SNTB1: variants seen among roughly 807,000 people sequenced by gnomAD.
SNTB1 encodes the protein beta-1-syntrophin.
In SNTB1, 36 loss-of-function variants were observed where a neutral mutation model predicts 48.9. That is an observed-to-expected ratio of 0.74 (90% CI 0.56 to 0.97). The LOEUF (loss-of-function observed/expected upper bound fraction) is 0.97, where lower values mean the gene tolerates loss of function less well. Ranked by LOEUF, SNTB1 falls within the 50% of genes least tolerant of loss-of-function variation. SNTB1 has a pLI of 0.00. For synonymous variants in SNTB1, 299 were observed against 294.6 expected, an observed-to-expected ratio of 1.01 and a Z score of -0.15; for missense variants, 786 against 703.4, an observed-to-expected ratio of 1.12 and a Z score of -1.33.
At chr8:120,543,370 G>A (rs950324653) in intron 5 of SNTB1, among the ~76,000 whole-genome samples, 2 of 152,152 alleles carry the variant, frequency 1.3e-5, no homozygotes, top group Non-Finnish European at 2.9e-5. Flanking sequence ...GGGGCTTGGA[G>A]GCATAAGAGC....
At chr8:120,660,288 A>G (rs1817569335) in intron 2 of SNTB1, among the ~76,000 whole-genome samples, 1 of 152,142 alleles carries the variant, frequency 6.6e-6, no homozygotes, top group African/African-American at 2.4e-5. Flanking sequence ...TTGAAAATCT[A>G]CTGTTTAGTG....
intron 3 of SNTB1, among the ~76,000 whole-genome samples, chr8:120,614,619 A>G (rs997292448): frequency 6.6e-6 from 1 of 152,172 alleles, no homozygotes; most frequent in African/African-American, 2.4e-5. Flanking sequence ...GGAGGTCTTA[A>G]ATCTACTGTT....
At chr8:120,682,384 C>T (rs562209308) in intron 2 of SNTB1, among the ~76,000 whole-genome samples, 88 of 140,470 alleles carry the variant, frequency 6.3e-4, no homozygotes, top group Non-Finnish European at 1.0e-3. Context: ...ATGAGTGCCA[C>T]CAGGCAGTAC....
chr8:120,542,089 C>T lies in SNTB1; in HGVS notation c.1334-89G>A, dbSNP rs542264435. On this transcript the variant is annotated intron_variant, in intron 5 of 6. Coordinates refer to ENST00000517992, the MANE Select transcript of SNTB1 (RefSeq NM_021021.4). ...ATCACTCACTTCTTGCCTCCTCAGT[C>T]CCAGCGATCAGCTACGAATTTCTTG... 9.0e-6 allele frequency: 8 copies of T among 889,686 alleles called. No individual in the cohort carries two copies. In the Admixed American group the frequency reaches 1.5e-4, roughly 17 times the overall value. 55.1% of individuals were successfully genotyped at this position (889,686 alleles called of 1,614,324 possible).
chr8:120,777,484 C>T (rs970317421), intron 1 of SNTB1, among the ~76,000 whole-genome samples: 1 of 152,166 alleles, frequency 6.6e-6, no homozygotes, highest in South Asian at 2.1e-4. Flanking sequence ...CATCTCAAAA[C>T]GATAGGCCCC....
At chr8:120,612,673 C>A (rs189380100) in intron 3 of SNTB1, among the ~76,000 whole-genome samples, 1 of 152,164 alleles carries the variant, frequency 6.6e-6, no homozygotes, top group Non-Finnish European at 1.5e-5. Context: ...CCTGCCTCAG[C>A]CTCCCTAGTA....
intron 1 of SNTB1, among the ~76,000 whole-genome samples, chr8:120,754,477 C>G (rs993468222): frequency 2.6e-5 from 4 of 151,958 alleles, no homozygotes; most frequent in African/African-American, 7.3e-5. Context: ...GAGTGAGACC[C>G]TGTATCAAAA....
At chr8:120,706,821 G>T (rs922457241) in intron 1 of SNTB1, among the ~76,000 whole-genome samples, 1 of 152,122 alleles carries the variant, frequency 6.6e-6, no homozygotes, top group Non-Finnish European at 1.5e-5. Context: ...CAAACTTGGG[G>T]CTCAGTAAAT....
chr8:120,602,472 C>T (rs556758856), intron 3 of SNTB1, among the ~76,000 whole-genome samples: 4 of 152,168 alleles, frequency 2.6e-5, no homozygotes, highest in Admixed American at 1.3e-4. Context: ...CTGAAAAGAC[C>T]GAGGTTCCCC....
intron 3 of SNTB1, among the ~76,000 whole-genome samples, chr8:120,582,575 A>G (rs1411916994): frequency 1.3e-5 from 2 of 152,204 alleles, no homozygotes; most frequent in Non-Finnish European, 2.9e-5. Context: ...CAAATTATGA[A>G]TATCAGAAAT....
chr8:120,656,554 A>T (rs1215209680), intron 2 of SNTB1, among the ~76,000 whole-genome samples: 1 of 152,238 alleles, frequency 6.6e-6, no homozygotes, highest in Non-Finnish European at 1.5e-5. Flanking sequence ...CAGCTGATTT[A>T]AAAAAATAAT....
At chr8:120,631,826 TAA>T (rs1816985922) in intron 3 of SNTB1, among the ~76,000 whole-genome samples, 1 of 152,180 alleles carries the variant, frequency 6.6e-6, no homozygotes, top group Admixed American at 6.5e-5. Flanking sequence ...AGACAGAGGC[TAA>T]GTCTTTATTA....
intron 3 of SNTB1, among the ~76,000 whole-genome samples, chr8:120,608,047 T>A (rs1352699039): frequency 1.3e-5 from 2 of 152,182 alleles, no homozygotes; most frequent in Non-Finnish European, 2.9e-5. Context: ...AACCGCAAGC[T>A]TGGTAATTAT....
chr8:120,698,693 G>A (rs1398774442), intron 1 of SNTB1, among the ~76,000 whole-genome samples: 1 of 152,132 alleles, frequency 6.6e-6, no homozygotes, highest in Non-Finnish European at 1.5e-5. Context: ...ATCAATTGTA[G>A]ACATAATTGT....
intron 1 of SNTB1, among the ~76,000 whole-genome samples, chr8:120,796,728 C>T (rs913149007): frequency 6.6e-6 from 1 of 151,982 alleles, no homozygotes; most frequent in African/African-American, 2.4e-5. Context: ...ATCCACTTTC[C>T]GCCCTGGCTC....
Position 120,693,772 on chromosome 8 carries a change from G to GGA in SNTB1, c.706_707dup (p.Phe237ProfsTer41), listed in dbSNP as rs764581078. 3 of 1,613,942 alleles carry GGA rather than the reference G, an allele frequency of 1.9e-6. No individual in the cohort carries two copies. The highest frequency in any genetic ancestry group is 2.5e-6 in the Non-Finnish European group (3 of 1,179,930). On this transcript the variant is annotated frameshift_variant, in exon 2 of 7. Transcript: ENST00000517992. LOFTEE classifies it high-confidence loss of function. ...GGATGCTTTTCCGGTCTCTGTGGAA[G>GGA]GAGAAGGACTGCGATGACGGGGGGT... is the stretch of plus-strand genomic sequence containing the variant.
intron 3 of SNTB1, among the ~76,000 whole-genome samples, chr8:120,615,667 A>G (rs1166128917): frequency 6.6e-6 from 1 of 152,204 alleles, no homozygotes; most frequent in African/African-American, 2.4e-5. Flanking sequence ...GAGCAGCCTC[A>G]AGGTCAGAGC....
chr8:120,542,049 C>G (rs1231493141), intron 5 of SNTB1, 49 bp from the exon 6 acceptor site: 2 of 1,489,904 alleles, frequency 1.3e-6, no homozygotes, highest in Non-Finnish European at 1.8e-6. Flanking sequence ...CCATGGCAAT[C>G]AATCCATTTT....
At chr8:120,657,127 T>C (rs1274301975) in intron 2 of SNTB1, among the ~76,000 whole-genome samples, 1 of 152,266 alleles carries the variant, frequency 6.6e-6, no homozygotes, top group Non-Finnish European at 1.5e-5. Flanking sequence ...ATGTACAAGC[T>C]ACTCTTCAAG....
Sources: allele counts gnomAD v4.1 joint callset (sites outside exome capture counted in the v4.1 genomes callset), GRCh38; gene constraint gnomAD v4.1.1; transcripts MANE v1.5; gene names NCBI Gene and HGNC (gene_info 2026-07-23, HGNC 2026-07-21).